Variants in PSMD14 observed in about 807,000 individuals in gnomAD.
The protein encoded by PSMD14 is ubiquitin C-terminal hydrolase PSMD14.
A neutral mutation model predicts 41.2 loss-of-function variants in PSMD14; 7 were observed. The observed-to-expected ratio is 0.17, with a 90% CI of 0.10 to 0.32. The LOEUF is 0.32. PSMD14 is among the 10% of genes least tolerant of loss of function. PSMD14 has a pLI of 1.00. For missense variants in PSMD14, 139 were observed against 375.6 expected (o/e 0.37, Z 5.21); for synonymous variants, 114 against 122.3 (o/e 0.93, Z 0.45).
At chr2:161,360,459 G>C (rs1024098856) in intron 3 of PSMD14, among the ~76,000 whole-genome samples, 1 of 151,492 alleles carries the variant, frequency 6.6e-6, no homozygotes, top group Admixed American at 6.6e-5. Context: ...GTGTTCAAGC[G>C]ATTCTCCTGC....
intron 8 of PSMD14, among the ~76,000 whole-genome samples, chr2:161,388,059 A>G (rs143309420): frequency 2.9e-3 from 444 of 152,178 alleles, no homozygotes; most frequent in Non-Finnish European, 4.6e-3. Flanking sequence ...TTTAGTAACT[A>G]AATTTTTTAA....
chr2:161,363,245 G>A (rs550632185), intron 3 of PSMD14, among the ~76,000 whole-genome samples: 8 of 152,224 alleles, frequency 5.3e-5, no homozygotes, highest in African/African-American at 1.7e-4. Flanking sequence ...CCCAAAACTC[G>A]AAAAATGGTC....
At position 161,385,578 on chromosome 2, in the gene PSMD14, C is replaced by G; in HGVS notation, c.570+7C>G. 6.5e-7 allele frequency: 1 copy of G among 1,544,226 alleles called. No individual in the cohort carries two copies. Among genetic ancestry groups the G allele is most frequent in the Non-Finnish European group, 8.9e-7 (1 of 1,118,754 alleles). On this transcript the variant is annotated splice_region_variant and intron_variant, in intron 8 of 11. Transcript: ENST00000409682. ...AAACAAGCCATCTATCCAGGTATTG[C>G]CTATATTTGATAATGTGTTAAAACT...
intron 1 of PSMD14, among the ~76,000 whole-genome samples, chr2:161,311,327 T>A (rs954299431): frequency 1.3e-5 from 2 of 151,912 alleles, no homozygotes; most frequent in East Asian, 3.9e-4. Context: ...AAAAAAAAAA[T>A]TGCATCTATA....
chr2:161,367,668 C>T (rs2105256202), intron 4 of PSMD14, 116 bp from the exon 5 acceptor site: 2 of 1,365,072 alleles, frequency 1.5e-6, no homozygotes, highest in South Asian at 1.4e-5. Flanking sequence ...GTTTTAGGTA[C>T]ATTTATAAAA....
intron 9 of PSMD14, among the ~76,000 whole-genome samples, chr2:161,394,020 GAGTGT>G (rs1216194978): frequency 7.1e-6 from 1 of 141,494 alleles, no homozygotes; most frequent in Non-Finnish European, 1.5e-5. Flanking sequence ...ACCCAGGCTG[GAGTGT>G]AGTGGCGTGA....
chr2:161,360,020 T>A (rs2105252165), intron 3 of PSMD14, among the ~76,000 whole-genome samples: 1 of 152,238 alleles, frequency 6.6e-6, no homozygotes, highest in Non-Finnish European at 1.5e-5. Flanking sequence ...GGGATTGGTA[T>A]CTATCACACA....
At chr2:161,326,603 C>T (rs150066548) in intron 3 of PSMD14, among the ~76,000 whole-genome samples, 1 of 152,226 alleles carries the variant, frequency 6.6e-6, no homozygotes, top group East Asian at 1.9e-4. Context: ...GTTTGTACAC[C>T]AATATTCTTA....
Position 161,371,175 on chromosome 2 carries a change from G to C in PSMD14, c.315G>C (p.Pro105=). Reference sequence around the variant, plus strand: ...CTGAATGCCCTCTTTGTTTCAGGCCGGAGATGGTTGTTGGTTGGTATCACA... The same window carrying C: ...CTGAATGCCCTCTTTGTTTCAGGCCCGAGATGGTTGTTGGTTGGTATCACA... ...MLDMLKQTGR[P]EMVVGWYHSH... The change falls in exon 7 of 12, where the codon CCG becomes CCC. Residue 105 remains proline, a synonymous_variant. Transcript: ENST00000409682. 6.2e-7 allele frequency: 1 copy of C among 1,612,184 alleles called. No homozygotes were observed. Among genetic ancestry groups the C allele is most frequent in the Non-Finnish European group, 8.5e-7 (1 of 1,178,888 alleles).
At chr2:161,393,473 G>T (rs1049973159) in intron 9 of PSMD14, among the ~76,000 whole-genome samples, 2 of 152,186 alleles carry the variant, frequency 1.3e-5, no homozygotes, top group Non-Finnish European at 2.9e-5. Context: ...GAATGGAGGA[G>T]TTTTGTATCT....
At chr2:161,350,410 G>A (rs1683101743) in intron 3 of PSMD14, among the ~76,000 whole-genome samples, 1 of 152,196 alleles carries the variant, frequency 6.6e-6, no homozygotes, top group Non-Finnish European at 1.5e-5. Flanking sequence ...ATACCAAGAA[G>A]GAAGTTAACT....
Position 161,402,972 on chromosome 2 carries a change from A to C in PSMD14, c.772-5865A>C, listed in dbSNP as rs541403486. On this transcript the variant is annotated intron_variant, in intron 10 of 11. Coordinates refer to ENST00000409682, the MANE Select transcript of PSMD14 (RefSeq NM_005805.6). Reference sequence around the variant, plus strand: ...TATAAAATGGTACAGCCACTGTGGAAAACAGTTTGGTGGTTCCTCAAAAAG... The same window carrying C: ...TATAAAATGGTACAGCCACTGTGGACAACAGTTTGGTGGTTCCTCAAAAAG... Among the ~76,000 whole-genome samples the C allele has an allele frequency of 5.3e-5, 8 of 152,340 alleles. 1 individual carries two copies. In the South Asian group the frequency reaches 1.7e-3, roughly 32 times the overall value.
At chr2:161,388,877 T>A (rs1216619666) in intron 8 of PSMD14, among the ~76,000 whole-genome samples, 2 of 152,092 alleles carry the variant, frequency 1.3e-5, no homozygotes, top group Admixed American at 1.3e-4. Context: ...AGTCAGTTGG[T>A]CTTGTGTAGT....
At chr2:161,333,035 C>T (rs918643818) in intron 3 of PSMD14, among the ~76,000 whole-genome samples, 7 of 152,168 alleles carry the variant, frequency 4.6e-5, no homozygotes, top group Admixed American at 6.5e-5. Context: ...GAGATTTCTA[C>T]GTGTACCCCT....
Position 161,329,389 on chromosome 2 carries a change from A to G in PSMD14, c.48+10516A>G, listed in dbSNP as rs142538651. Among the ~76,000 whole-genome samples the G allele has an allele frequency of 8.1e-4, 124 of 152,270 alleles. 2 individuals are homozygous for G. The East Asian group carries it at 0.021, about 25-fold the overall frequency. On this transcript the variant is annotated intron_variant, in intron 3 of 11. Coordinates refer to ENST00000409682, the MANE Select transcript of PSMD14 (RefSeq NM_005805.6). ...TTGCTATAAGCACTGGCATAGTAGT[A>G]TGCAAATGAGCAGACCTTTACAAAA...
chr2:161,314,201 A>G (rs993449161), intron 1 of PSMD14, among the ~76,000 whole-genome samples: 2 of 152,200 alleles, frequency 1.3e-5, no homozygotes, highest in African/African-American at 4.8e-5. Context: ...GCATTTTTCC[A>G]TGTGTGAACT....
chr2:161,408,521 C>G (rs1020472859), intron 10 of PSMD14: 2 of 315,304 alleles, frequency 6.3e-6, no homozygotes, highest in African/African-American at 2.2e-5. Flanking sequence ...AGTGCCACCT[C>G]AGGTACTTCC....
intron 3 of PSMD14, among the ~76,000 whole-genome samples, chr2:161,363,736 G>C (rs1683322297): frequency 6.6e-6 from 1 of 152,154 alleles, no homozygotes; most frequent in South Asian, 2.1e-4. Context: ...CCCTTCACAG[G>C]GCATTCGATT....
At chr2:161,381,403 T>C (rs1683568609) in intron 7 of PSMD14, 1 of 151,226 alleles carries the variant, frequency 6.6e-6, no homozygotes, top group African/African-American at 2.4e-5. Flanking sequence ...CTGACTGTAA[T>C]ATAAGTGCAA....
Sources: allele counts gnomAD v4.1 joint callset (sites outside exome capture counted in the v4.1 genomes callset), GRCh38; gene constraint gnomAD v4.1.1; transcripts MANE v1.5; gene names NCBI Gene and HGNC (gene_info 2026-07-23, HGNC 2026-07-21).